PAX8: variants seen among roughly 807,000 people sequenced by gnomAD.
The protein encoded by PAX8 is paired box 8, also known as paired box protein Pax-8.
A neutral mutation model predicts 52.4 loss-of-function variants in PAX8; 15 were observed. That is an observed-to-expected ratio of 0.29 (90% CI 0.19 to 0.44). The LOEUF is 0.44. PAX8 is among the 20% of genes least tolerant of loss of function. The probability of loss-of-function intolerance (pLI) is 1.00; values close to 1 mark genes in which losing one functional copy is unlikely to be tolerated. For missense variants in PAX8, 554 were observed against 602.5 expected (o/e 0.92, Z 0.84); for synonymous variants, 284 against 249.7 (o/e 1.14, Z -1.29).
chr2:113,241,736 C>G lies in PAX8; in HGVS notation c.602-10G>C, dbSNP rs774828126. ...CAGCTATCCTGATCACCTGGTACCCCCCGGGAAGGAAGAAAGCTTTTAGGG... is the reference window on the plus strand; with the variant it reads ...CAGCTATCCTGATCACCTGGTACCCGCCGGGAAGGAAGAAAGCTTTTAGGG... On this transcript the variant is annotated splice_polypyrimidine_tract_variant and intron_variant, in intron 6 of 11. Transcript: ENST00000429538. 79 of 1,613,790 alleles carry G rather than the reference C, an allele frequency of 4.9e-5. No homozygotes were observed. Among genetic ancestry groups the G allele is most frequent in the Non-Finnish European group, 6.5e-5 (77 of 1,179,976 alleles).
At chr2:113,276,425 C>CT (rs957495790) in intron 2 of PAX8, 139 of 152,292 alleles carry the variant, frequency 9.1e-4, no homozygotes, top group African/African-American at 3.2e-3. Context: ...GCCCCTCTGT[C>CT]TTCCCGAAAA....
Position 113,235,107 on chromosome 2 carries a change from C to T in PAX8, c.1087+287G>A, listed in dbSNP as rs532802968. Among the ~76,000 whole-genome samples the T allele has an allele frequency of 3.3e-5, 5 of 152,328 alleles. No individual in the cohort carries two copies. In the South Asian group the frequency reaches 1.0e-3, roughly 32 times the overall value. ...TATCTATTTATGCATTTACCAAGGC[C>T]AAGTTGCTACGTTACAGCACCCGGC... On this transcript the variant is annotated intron_variant, in intron 9 of 11. Transcript: ENST00000429538.
chr2:113,247,195 C>T lies in PAX8; in HGVS notation c.26-276G>A, dbSNP rs188004120. Reference sequence around the variant, plus strand: ...CTTCAGGCAGACTCAGCCCTTCACTCCAAATCACAATCCCCTATTTTCTTC... The same window carrying T: ...CTTCAGGCAGACTCAGCCCTTCACTTCAAATCACAATCCCCTATTTTCTTC... On this transcript the variant is annotated intron_variant, in intron 2 of 11. Transcript: ENST00000429538. 1.7e-3 allele frequency among the ~76,000 whole-genome samples: 254 copies of T among 152,326 alleles called. 1 individual carries two copies. The highest frequency in any genetic ancestry group is 5.9e-3 in the African/African-American group (247 of 41,576).
chr2:113,234,738 T>C (rs1690138390), intron 9 of PAX8, among the ~76,000 whole-genome samples: 1 of 152,178 alleles, frequency 6.6e-6, no homozygotes, highest in African/African-American at 2.4e-5. Flanking sequence ...CAGGCTGGTC[T>C]TGAACTCTTG....
intron 2 of PAX8, among the ~76,000 whole-genome samples, chr2:113,258,067 G>A (rs1444337162): frequency 6.6e-6 from 1 of 152,182 alleles, no homozygotes; most frequent in African/African-American, 2.4e-5. Flanking sequence ...CAGCAGCACT[G>A]TATTCCAGGA....
chr2:113,232,292 ACTTGCTTCCTACTCT>A, intron 9 of PAX8, among the ~76,000 whole-genome samples: 1 of 152,048 alleles, frequency 6.6e-6, no homozygotes, highest in Non-Finnish European at 1.5e-5. Flanking sequence ...CTGCTTTCTG[ACTTGCTTCCTACTCT>A]TGGCCATTTG....
intron 2 of PAX8, among the ~76,000 whole-genome samples, chr2:113,252,723 A>G (rs928193195): frequency 1.3e-5 from 2 of 152,202 alleles, no homozygotes; most frequent in African/African-American, 4.8e-5. Flanking sequence ...TGTGTTTCTC[A>G]TTGATCTCTT....
rs550883233 is a variant in PAX8, at chr2:113,247,848, A to G, written c.26-929T>C. On this transcript the variant is annotated intron_variant, in intron 2 of 11. Transcript: ENST00000429538. The stretch of plus-strand genomic sequence containing the variant: ...ATTCTTCCCTCATGGGGTTTATTAC[A>G]GTGAGGTCCTAGACCAGCAAACAGC... Among the ~76,000 whole-genome samples, 40 of 152,326 alleles carry G rather than the reference A, an allele frequency of 2.6e-4. No individual in the cohort carries two copies. In the Middle Eastern group the frequency reaches 0.014, roughly 52 times the overall value.
At chr2:113,277,172 T>C (rs1053298790) in intron 2 of PAX8, among the ~76,000 whole-genome samples, 10 of 152,138 alleles carry the variant, frequency 6.6e-5, no homozygotes, top group African/African-American at 2.4e-5. Flanking sequence ...AGCCGGACGA[T>C]TCTGGCCCAG....
intron 2 of PAX8, chr2:113,275,784 G>A (rs1435585005): frequency 2.0e-5 from 3 of 152,174 alleles, no homozygotes; most frequent in Non-Finnish European, 2.9e-5. Context: ...CAAAAATAGC[G>A]ATTTTAAGGA....
rs1689042563 is a variant in PAX8, at chr2:113,216,807, G to T, written c.*1726C>A. Reference sequence around the variant, plus strand: ...CTGGGGTTTTGGGTAAAAGCGTTGGGCTTAGAGTAAGAGGACTTGGTTGAA... The same window carrying T: ...CTGGGGTTTTGGGTAAAAGCGTTGGTCTTAGAGTAAGAGGACTTGGTTGAA... On this transcript the variant is annotated 3_prime_UTR_variant, in exon 12 of 12. Transcript: ENST00000429538. 1 of 228,794 alleles carries T rather than the reference G, an allele frequency of 4.4e-6. No individual in the cohort carries two copies. The highest frequency in any genetic ancestry group is 6.2e-5 in the East Asian group (1 of 16,032). 14.2% of individuals were successfully genotyped at this position (228,794 alleles called of 1,614,324 possible).
At chr2:113,227,466 A>G (rs1343766940) in intron 9 of PAX8, among the ~76,000 whole-genome samples, 4 of 152,212 alleles carry the variant, frequency 2.6e-5, no homozygotes, top group African/African-American at 4.8e-5. Context: ...TCCACCATGC[A>G]GGGAGCACTT....
At chr2:113,270,753 T>C (rs1693412263) in intron 2 of PAX8, 1 of 152,146 alleles carries the variant, frequency 6.6e-6, no homozygotes, top group African/African-American at 2.4e-5. Flanking sequence ...TCACAATATG[T>C]CCTAGTGGAC....
intron 9 of PAX8, among the ~76,000 whole-genome samples, chr2:113,232,384 A>G (rs1689950254): frequency 6.6e-6 from 1 of 152,178 alleles, no homozygotes; most frequent in Non-Finnish European, 1.5e-5. Flanking sequence ...TCTGTGCTGA[A>G]TTGTCAACCC....
intron 10 of PAX8, chr2:113,225,990 C>T (rs1437153773): frequency 1.2e-5 from 12 of 985,256 alleles, no homozygotes; most frequent in Non-Finnish European, 1.4e-5. Flanking sequence ...ACAGAGGAGT[C>T]AGTATTCTGT....
At chr2:113,276,087 G>A (rs1383950324) in intron 2 of PAX8, 1 of 152,232 alleles carries the variant, frequency 6.6e-6, no homozygotes, top group African/African-American at 2.4e-5. Flanking sequence ...AGCACGGCCG[G>A]TCTCAGGAAC....
chr2:113,263,046 G>C (rs1002641530), intron 2 of PAX8, among the ~76,000 whole-genome samples: 1 of 152,192 alleles, frequency 6.6e-6, no homozygotes, highest in African/African-American at 2.4e-5. Flanking sequence ...TGCTCTCCTA[G>C]GGTAACTGGC....
chr2:113,235,805 A>C, intron 8 of PAX8: 2 of 535,198 alleles, frequency 3.7e-6, no homozygotes, highest in South Asian at 2.5e-5. Flanking sequence ...AAATGGAGAG[A>C]CCCGGAAGGC....
Position 113,278,826 on chromosome 2 carries a change from C to G in PAX8, c.-76+5G>C, listed in dbSNP as rs1036284437. 3.7e-6 allele frequency: 4 copies of G among 1,070,584 alleles called. No homozygotes were observed. Among genetic ancestry groups the G allele is most frequent in the Non-Finnish European group, 4.5e-6 (4 of 881,242 alleles). 66.3% of individuals were successfully genotyped at this position (1,070,584 alleles called of 1,614,324 possible). On this transcript the variant is annotated splice_donor_5th_base_variant and intron_variant, in intron 1 of 11. Coordinates refer to ENST00000429538, the MANE Select transcript of PAX8 (RefSeq NM_003466.4). Reference sequence around the variant, plus strand: ...CAGCTTCCAGCTAACCCCTGGGTGACATACCTGGCCGGCCGGCTGCAGGCC... The same window carrying G: ...CAGCTTCCAGCTAACCCCTGGGTGAGATACCTGGCCGGCCGGCTGCAGGCC...
Sources: allele counts gnomAD v4.1 joint callset (sites outside exome capture counted in the v4.1 genomes callset), GRCh38; gene constraint gnomAD v4.1.1; transcripts MANE v1.5; gene names NCBI Gene and HGNC (gene_info 2026-07-23, HGNC 2026-07-21).